Variants in TIGD1 observed in about 807,000 individuals in gnomAD.
TIGD1 encodes the protein tigger transposable element-derived protein 1.
A neutral mutation model predicts 21.3 loss-of-function variants in TIGD1; 20 were observed. That is an observed-to-expected ratio of 0.94 (90% confidence interval 0.66 to 1.36). The LOEUF (loss-of-function observed/expected upper bound fraction) is 1.36, where lower values mean the gene tolerates loss of function less well. Ranked by LOEUF, TIGD1 falls within the 40% of genes most tolerant of loss-of-function variation. The probability of loss-of-function intolerance (pLI) is 0.00; values close to 1 mark genes in which losing one functional copy is unlikely to be tolerated. For missense variants in TIGD1, 556 were observed against 350.5 expected, an observed-to-expected ratio of 1.59 and a Z score of -4.68; for synonymous variants, 177 against 123.2, an observed-to-expected ratio of 1.44 and a Z score of -2.89.
chr2:232,544,750 C>T lies in TIGD1; in HGVS notation c.*3357G>A. 1.2e-6 allele frequency: 2 copies of T among 1,613,826 alleles called. No homozygotes were observed. The highest frequency in any genetic ancestry group is 1.1e-5 in the South Asian group (1 of 91,060). The stretch of plus-strand genomic sequence containing the variant: ...GTTTCTCCTCCATTCTACTCCCAAA[C>T]CTTACCCTTTCTCTTTATCAGAGAA... On this transcript the variant is annotated 3_prime_UTR_variant, in exon 1 of 1. Transcript: ENST00000408957.
chr2:232,546,306 CTCTTTTT>C lies in TIGD1; in HGVS notation c.*1794_*1800del, dbSNP rs199761478. 25,705 of 132,496 alleles carry C rather than the reference CTCTTTTT, an allele frequency of 0.19. 2,240 individuals carry two copies. The highest frequency in any genetic ancestry group is 0.28 in the Middle Eastern group (71 of 254). The allele number at this position is 132,496 out of a possible 1,614,324, so 8.2% of individuals were successfully genotyped here. On this transcript the variant is annotated 3_prime_UTR_variant, in exon 1 of 1. Transcript: ENST00000408957. ...AGACGATTTCCTGAGTTTTGTAATC[CTCTTTTT>C]TTTTTTTTTTTTTTTAGTTTTTGAT...
Position 232,544,919 on chromosome 2 carries a change from T to C in TIGD1, c.*3188A>G. Reference sequence around the variant, plus strand: ...TTTGACAATGTAAGCTGAGTCAGGGTGGGGTGGAGGTGGAGTGAGTACCTG... The same window carrying C: ...TTTGACAATGTAAGCTGAGTCAGGGCGGGGTGGAGGTGGAGTGAGTACCTG... On this transcript the variant is annotated 3_prime_UTR_variant, in exon 1 of 1. Transcript: ENST00000408957. 6.2e-7 allele frequency: 1 copy of C among 1,613,096 alleles called. No individual in the cohort carries two copies. Among genetic ancestry groups the C allele is most frequent in the Non-Finnish European group, 8.5e-7 (1 of 1,179,762 alleles).
rs945171384 is a variant in TIGD1 at position 232,544,294 on chromosome 2, G to A, written c.*3813C>T. ...GCCTCCATGGTCCCTAGCAGCACAA[G>A]CCCTTCACGCCAACCTCTGGCTTCT... On this transcript the variant is annotated 3_prime_UTR_variant, in exon 1 of 1. Coordinates refer to ENST00000408957, the MANE Select transcript of TIGD1 (RefSeq NM_145702.4). 10 of 1,140,700 alleles carry A rather than the reference G, an allele frequency of 8.8e-6. No individual in the cohort carries two copies. The East Asian group carries it at 1.6e-4, about 19-fold the overall frequency. 70.7% of individuals were successfully genotyped at this position (1,140,700 alleles called of 1,614,324 possible).
rs1035110352 is a variant in TIGD1, at chr2:232,545,367, G to T, written c.*2740C>A. Among the ~76,000 whole-genome samples the T allele has an allele frequency of 4.5e-4, 68 of 152,066 alleles. No individual in the cohort carries two copies. The highest frequency in any genetic ancestry group is 9.1e-4 in the Non-Finnish European group (62 of 67,990). On this transcript the variant is annotated 3_prime_UTR_variant, in exon 1 of 1. Coordinates refer to ENST00000408957, the MANE Select transcript of TIGD1 (RefSeq NM_145702.4). ...GAAAGAAAAAGGAACAGGGGCAGGG[G>T]GGGCACCTCAGGGCCAGGGGGCCAT... is the stretch of plus-strand genomic sequence containing the variant.
At position 232,546,661 on chromosome 2, in the gene TIGD1, C is replaced by T. The variant is rs1329815031; in HGVS notation, c.*1446G>A. Among the ~76,000 whole-genome samples, 2 of 152,060 alleles carry T rather than the reference C, an allele frequency of 1.3e-5. No individual in the cohort carries two copies. The highest frequency in any genetic ancestry group is 2.9e-5 in the Non-Finnish European group (2 of 68,012). On this transcript the variant is annotated 3_prime_UTR_variant, in exon 1 of 1. Coordinates refer to ENST00000408957, the MANE Select transcript of TIGD1 (RefSeq NM_145702.4). ...CTCCTTTTTAATTAAGAGCTCCTCA[C>T]AGCAGTATGGATAAGCAAGAGTCAT...
In TIGD1 at chr2:232,548,863, C is replaced by T. The variant is rs948194089; in HGVS notation, c.1020G>A (p.Ser340=). 1.3e-5 allele frequency: 8 copies of T among 625,218 alleles called. No individual in the cohort carries two copies. Among genetic ancestry groups the T allele is most frequent in the Admixed American group, 6.5e-5 (3 of 46,076 alleles). The allele number at this position is 625,218 out of a possible 1,614,324, so 38.7% of individuals were successfully genotyped here. A position where few individuals can be genotyped will look rare whatever the true frequency, so the allele number is the denominator to read the frequency against. The change falls in exon 1 of 1, where the codon TCG becomes TCA. Residue 340 remains serine, a synonymous_variant. Coordinates refer to ENST00000408957, the MANE Select transcript of TIGD1 (RefSeq NM_145702.4). ...ILQPMDQGVI[S]TFKSYYLRNT... ...TTCTCAAATAATAAGACTTGAAGGT[C>T]GAAATTACCCCTTGATCCATGGGCT...
chr2:232,548,456 G>A lies in TIGD1; in HGVS notation c.1427C>T (p.Thr476Ile), dbSNP rs570082142. 9 of 696,322 alleles carry A rather than the reference G, an allele frequency of 1.3e-5. No homozygotes were observed. Among genetic ancestry groups the A allele is most frequent in the East Asian group, 5.4e-5 (2 of 37,218 alleles). 43.1% of individuals were successfully genotyped at this position (696,322 alleles called of 1,614,324 possible). A position where few individuals can be genotyped will look rare whatever the true frequency, so the allele number is the denominator to read the frequency against. The change falls in exon 1 of 1, where the codon ACA (threonine) becomes ATA (isoleucine). Residue 476 changes from threonine to isoleucine, a missense_variant. Thr to Ile is a moderately conservative substitution (Grantham distance 89, BLOSUM62 -1). Coordinates refer to ENST00000408957, the MANE Select transcript of TIGD1 (RefSeq NM_145702.4). ...QRKWFLEMESTPGEDAVNIVE... is the reference protein window; with the variant it reads ...QRKWFLEMESIPGEDAVNIVE... Reference sequence around the variant, plus strand: ...AATGTTCACAGCATCTTCACCAGGTGTAGATTCCATCTCAAGAAACCACTT... The same window carrying A: ...AATGTTCACAGCATCTTCACCAGGTATAGATTCCATCTCAAGAAACCACTT...
At position 232,548,118 on chromosome 2, in the gene TIGD1, C is replaced by A; in HGVS notation, c.1765G>T (p.Gly589Cys). 1.3e-6 allele frequency: 1 copy of A among 778,926 alleles called. No homozygotes were observed. Among genetic ancestry groups the A allele is most frequent in the Non-Finnish European group, 2.0e-6 (1 of 505,136 alleles). The allele number at this position is 778,926 out of a possible 1,614,324, so 48.3% of individuals were successfully genotyped here. A position where few individuals can be genotyped will look rare whatever the true frequency, so the allele number is the denominator to read the frequency against. Residue 589 changes from glycine (G) to cysteine (C), a missense_variant, in exon 1 of 1, where the codon GGC (glycine) becomes TGC (cysteine). Gly to Cys is a radical substitution (Grantham distance 159, BLOSUM62 -3). Coordinates refer to ENST00000408957, the MANE Select transcript of TIGD1 (RefSeq NM_145702.4). ...AAAAATGCTGATTATCAATCTGAGC[C>A]TTCGGTGAGTCGTACTCTTTTTGCT... ...PPAKRVRLTEGSD is the reference protein window; with the variant it reads ...PPAKRVRLTECSD
chr2:232,545,270 C>G lies in TIGD1; in HGVS notation c.*2837G>C, dbSNP rs1436986224. 6.6e-6 allele frequency among the ~76,000 whole-genome samples: 1 copy of G among 151,478 alleles called. No individual in the cohort carries two copies. Among genetic ancestry groups the G allele is most frequent in the Middle Eastern group, 3.2e-3 (1 of 314 alleles). ...TGCAGTGAGCCAAGCCAAGATCGCA[C>G]CACTGCACTCTGGCCTGGGTGAAAG... On this transcript the variant is annotated 3_prime_UTR_variant, in exon 1 of 1. Coordinates refer to ENST00000408957, the MANE Select transcript of TIGD1 (RefSeq NM_145702.4).
In TIGD1 at chr2:232,549,222, G is replaced by A. The variant is rs749320646; in HGVS notation, c.661C>T (p.Leu221Phe). The A allele has an allele frequency of 1.2e-5, 8 of 681,930 alleles. No individual in the cohort carries two copies. Among genetic ancestry groups the A allele is most frequent in the Non-Finnish European group, 1.9e-5 (7 of 374,346 alleles). The allele number at this position is 681,930 out of a possible 1,614,324, so 42.2% of individuals were successfully genotyped here. ...GFKASKDRLT[L>F]LLGANAAGDF... The stretch of plus-strand genomic sequence containing the variant: ...CCAGCTGCATTAGCCCCTAACAAGA[G>A]AGTCAGCCTGTCCTTTGAAGCTTTG... The change falls in exon 1 of 1, where the codon CTC (leucine) becomes TTC (phenylalanine). Residue 221 changes from leucine to phenylalanine, a missense_variant. Transcript: ENST00000408957.
chr2:232,545,495 A>C lies in TIGD1; in HGVS notation c.*2612T>G. 3 of 1,545,648 alleles carry C rather than the reference A, an allele frequency of 1.9e-6. No homozygotes were observed. Among genetic ancestry groups the C allele is most frequent in the Non-Finnish European group, 2.7e-6 (3 of 1,128,116 alleles). On this transcript the variant is annotated 3_prime_UTR_variant, in exon 1 of 1. Coordinates refer to ENST00000408957, the MANE Select transcript of TIGD1 (RefSeq NM_145702.4). ...CAAGGATGAGAACAGGACCCAGGGA[A>C]GACCTGGTGCCGCCGCTGGTTATCC...
rs779289856 is a variant in TIGD1 at position 232,544,868 on chromosome 2, C to T, written c.*3239G>A. On this transcript the variant is annotated 3_prime_UTR_variant, in exon 1 of 1. Transcript: ENST00000408957. ...TGTGTGGAAGCCTGCAACCTCATTG[C>T]CTGTGCCCGGCACCAGCAGAGTCAC... 1.2e-6 allele frequency: 2 copies of T among 1,613,876 alleles called. No individual in the cohort carries two copies. The highest frequency in any genetic ancestry group is 1.7e-6 in the Non-Finnish European group (2 of 1,180,016).
Position 232,549,780 on chromosome 2 carries a change from C to G in TIGD1, c.103G>C (p.Glu35Gln). 6.5e-7 allele frequency: 1 copy of G among 1,537,366 alleles called. No homozygotes were observed. The highest frequency in any genetic ancestry group is 8.8e-7 in the Non-Finnish European group (1 of 1,134,906). ...KLSEEGMSKA[E>Q]IGRRLGLLRQ... ...AGGAGGCCTAGCCTTCGGCCTATCT[C>G]GGCTTTTGACATACCTTCCTCACTC... The change falls in exon 1 of 1, where the codon GAG becomes CAG. Residue 35 changes from glutamate (E) to glutamine (Q), a missense_variant. Glu to Gln is a conservative substitution (Grantham distance 29). Transcript: ENST00000408957.
chr2:232,546,193 C>A lies in TIGD1; in HGVS notation c.*1914G>T, dbSNP rs59295139. The A allele has an allele frequency of 0.023, 5,129 of 221,794 alleles. 128 individuals carry two copies. Among genetic ancestry groups the A allele is most frequent in the East Asian group, 0.084 (777 of 9,202 alleles). The allele number at this position is 221,794 out of a possible 1,614,324, so 13.7% of individuals were successfully genotyped here. On this transcript the variant is annotated 3_prime_UTR_variant, in exon 1 of 1. Transcript: ENST00000408957. ...AGCCCATACCAGCTGGCATCTCCCC[C>A]CCGTGCCTTCTGGGTACAATAAGCA... is the stretch of plus-strand genomic sequence containing the variant.
In TIGD1 at chr2:232,545,621, G is replaced by A; in HGVS notation, c.*2486C>T. The A allele has an allele frequency of 1.2e-6, 2 of 1,614,164 alleles. No individual in the cohort carries two copies. The highest frequency in any genetic ancestry group is 2.2e-5 in the South Asian group (2 of 91,092). On this transcript the variant is annotated 3_prime_UTR_variant, in exon 1 of 1. Coordinates refer to ENST00000408957, the MANE Select transcript of TIGD1 (RefSeq NM_145702.4). ...GGCCATGCTCTCGCTCTTCATCTGT[G>A]GCACAGCTGGCATCTTCCTCATGGC...
chr2:232,546,235 C>T lies in TIGD1; in HGVS notation c.*1872G>A, dbSNP rs533973618. The stretch of plus-strand genomic sequence containing the variant: ...CAATAAGCACCCAATTCTCAACAGC[C>T]CCAGTGGCCTTTCCATTCATGTGCA... On this transcript the variant is annotated 3_prime_UTR_variant, in exon 1 of 1. Transcript: ENST00000408957. 1 of 163,844 alleles carries T rather than the reference C, an allele frequency of 6.1e-6. No homozygotes were observed. Among genetic ancestry groups the T allele is most frequent in the African/African-American group, 2.4e-5 (1 of 41,858 alleles). The allele number at this position is 163,844 out of a possible 1,614,324, so 10.1% of individuals were successfully genotyped here.
chr2:232,545,461 C>T lies in TIGD1; in HGVS notation c.*2646G>A, dbSNP rs1692110816. On this transcript the variant is annotated 3_prime_UTR_variant, in exon 1 of 1. Transcript: ENST00000408957. ...CCCAGGAAATGGAGACATGGGCCTG[C>T]TGGAAGCCCAAGGATGAGAACAGGA... The T allele has an allele frequency of 7.8e-7, 1 of 1,287,936 alleles. No individual in the cohort carries two copies. The highest frequency in any genetic ancestry group is 1.9e-5 in the Admixed American group (1 of 51,944). 79.8% of individuals were successfully genotyped at this position (1,287,936 alleles called of 1,614,324 possible). A position where few individuals can be genotyped will look rare whatever the true frequency, so the allele number is the denominator to read the frequency against.
rs1203855278 is a variant in TIGD1 at position 232,546,217 on chromosome 2, C to A, written c.*1890G>T. On this transcript the variant is annotated 3_prime_UTR_variant, in exon 1 of 1. Transcript: ENST00000408957. ...CCCCGTGCCTTCTGGGTACAATAAGCACCCAATTCTCAACAGCCCCAGTGG... is the reference window on the plus strand; with the variant it reads ...CCCCGTGCCTTCTGGGTACAATAAGAACCCAATTCTCAACAGCCCCAGTGG... The A allele has an allele frequency of 1.6e-5, 3 of 182,316 alleles. No individual in the cohort carries two copies. The highest frequency in any genetic ancestry group is 3.5e-5 in the Non-Finnish European group (3 of 85,124). 11.3% of individuals were successfully genotyped at this position (182,316 alleles called of 1,614,324 possible).
In TIGD1 at chr2:232,549,641, T is replaced by A. The variant is rs1461566287; in HGVS notation, c.242A>T (p.Asp81Val). The change falls in exon 1 of 1, where the codon GAT (aspartate) becomes GTT (valine). Residue 81 changes from aspartate (D) to valine (V), a missense_variant. Asp to Val is a radical substitution (Grantham distance 152). Transcript: ENST00000408957. ...CCAGACCACTAAAACCTTCTCCATA[T>A]CAGCAATAAGGCTGTTTCGCTTTCT... The part of the protein sequence containing the change: ...MIRKRNSLIA[D>V]MEKVLVVWIE... 1.4e-6 allele frequency: 1 copy of A among 712,024 alleles called. No individual in the cohort carries two copies. The highest frequency in any genetic ancestry group is 2.0e-5 in the Admixed American group (1 of 49,848). 44.1% of individuals were successfully genotyped at this position (712,024 alleles called of 1,614,324 possible). A position where few individuals can be genotyped will look rare whatever the true frequency, so the allele number is the denominator to read the frequency against.
Sources: gnomAD v4.1 joint callset for allele counts (sites outside exome capture counted in the v4.1 genomes callset) on GRCh38, gnomAD v4.1.1 for gene constraint, MANE v1.5 for transcripts, NCBI Gene and HGNC (gene_info 2026-07-23, HGNC 2026-07-21) for gene names.